Variants in GSDMC observed in about 807,000 individuals in gnomAD.
The protein encoded by GSDMC is gasdermin C, also known as gasdermin-C.
Under a neutral mutation model 58.0 loss-of-function variants are expected in GSDMC, and 59 were observed. The observed-to-expected ratio is 1.02, with a 90% confidence interval of 0.82 to 1.26. The LOEUF is 1.26. GSDMC is among the 50% of genes most tolerant of loss of function. The probability of loss-of-function intolerance (pLI) is 0.00; values close to 1 mark genes in which losing one functional copy is unlikely to be tolerated. For synonymous variants in GSDMC, 241 were observed against 220.2 expected, an observed-to-expected ratio of 1.09 and a Z score of -0.83; for missense variants, 659 against 598.5, an observed-to-expected ratio of 1.10 and a Z score of -1.06.
At chr8:129,750,410 T>C (rs2130331112) in intron 11 of GSDMC, 21 bp downstream of exon 11, 1 of 1,608,870 alleles carries the variant, frequency 6.2e-7, no homozygotes, top group Non-Finnish European at 8.5e-7. Flanking sequence ...ACCAGACCTA[T>C]GCAACTGTGG....
intron 1 of GSDMC, among the ~76,000 whole-genome samples, chr8:129,781,598 A>G (rs2034414679): frequency 6.6e-6 from 1 of 152,144 alleles, no homozygotes; most frequent in East Asian, 1.9e-4. Flanking sequence ...CAAAAAAATT[A>G]GCCAGGCGTG....
In GSDMC at chr8:129,749,457, C is replaced by G. The variant is rs764706903; in HGVS notation, c.1282G>C (p.Glu428Gln). Reference protein sequence around the residue: ...MEKRILLQQQELVRSILEPNF... With the variant: ...MEKRILLQQQQLVRSILEPNF... ...GGCCCCTGGGAAGTTCTCACCAGCT[C>G]CTGTTGCTGAAGCAGGATCCTCTTC... Residue 428 changes from glutamate (E) to glutamine (Q), a missense_variant, in exon 13 of 14, where the codon GAG (glutamate) becomes CAG (glutamine). Transcript: ENST00000276708. 17 of 1,612,024 alleles carry G rather than the reference C, an allele frequency of 1.1e-5. No homozygotes were observed. In the East Asian group the frequency reaches 3.6e-4, roughly 34 times the overall value.
chr8:129,747,871 C>T (rs2033003111), downstream of GSDMC, among the ~76,000 whole-genome samples: 1 of 152,032 alleles, frequency 6.6e-6, no homozygotes. Flanking sequence ...TAGCAAATGA[C>T]ACAGAGAGCA....
In GSDMC at chr8:129,777,387, CT is replaced by C; in HGVS notation, c.200del (p.Glu67GlyfsTer7). ...PVEFSLNDIL[E>X]PSSSVLETVV... The stretch of plus-strand genomic sequence containing the variant: ...CAATACCTAGGACTGAAGAACTTGG[CT>C]CCAGGATGTCATTGAGGGAGAATTC... On this transcript the variant is annotated frameshift_variant, in exon 2 of 14. Coordinates refer to ENST00000276708, the MANE Select transcript of GSDMC (RefSeq NM_031415.3). LOFTEE classifies it high-confidence loss of function. 6.2e-7 allele frequency: 1 copy of C among 1,611,688 alleles called. No homozygotes were observed. The highest frequency in any genetic ancestry group is 2.2e-5 in the East Asian group (1 of 44,866).
At chr8:129,727,859 G>C in the GSDMC span, among the ~76,000 whole-genome samples, 3 of 152,200 alleles carry the variant, frequency 2.0e-5, no homozygotes, top group African/African-American at 7.2e-5. Context: ...GTCTGGGGCA[G>C]AAGAAAAGCT....
At chr8:129,737,358 G>C in the GSDMC span, among the ~76,000 whole-genome samples, 1 of 152,140 alleles carries the variant, frequency 6.6e-6, no homozygotes, top group Non-Finnish European at 1.5e-5. Flanking sequence ...AAAGAACAAA[G>C]CTGGAAGCAT....
intron 2 of GSDMC, 113 bp downstream of exon 2, chr8:129,777,255 C>CT: frequency 3.0e-6 from 2 of 662,836 alleles, no homozygotes; most frequent in Non-Finnish European, 5.3e-6. Flanking sequence ...ATAGGCAAGG[C>CT]TAATCCTGAG....
the GSDMC span, chr8:129,723,158 C>T: frequency 6.6e-6 from 1 of 152,216 alleles, no homozygotes; most frequent in East Asian, 1.9e-4. Flanking sequence ...AAAATTCTAC[C>T]CGTCCCAGGG....
At chr8:129,728,420 C>T in the GSDMC span, among the ~76,000 whole-genome samples, 1 of 152,172 alleles carries the variant, frequency 6.6e-6, no homozygotes. Context: ...CATCACCATA[C>T]AGAGAATAGG....
Position 129,748,656 on chromosome 8 carries a change from T to C in GSDMC, c.1372A>G (p.Ser458Gly), listed in dbSNP as rs943573369. The change falls in exon 14 of 14, where the codon AGT becomes GGT. Residue 458 changes from serine (S) to glycine (G), a missense_variant. Physicochemically the swap from Ser to Gly is moderately conservative, Grantham distance 56 (BLOSUM62 0). Transcript: ENST00000276708. The stretch of plus-strand genomic sequence containing the variant: ...CCATAGGTGATGGCCAAACCCTCAC[T>C]CTGGAGTGGGGCGAGGAGCTCAGGT... ...LKPELLAPLQ[S>G]EGLAITYGLL... 4 of 1,610,302 alleles carry C rather than the reference T, an allele frequency of 2.5e-6. No individual in the cohort carries two copies. The African/African-American group carries it at 5.4e-5, about 22-fold the overall frequency.
the GSDMC span, among the ~76,000 whole-genome samples, chr8:129,709,466 TGATA>T: frequency 4.9e-4 from 71 of 145,336 alleles, no homozygotes; most frequent in African/African-American, 1.9e-3. Context: ...AGATGATAGA[TGATA>T]GATAGATAGA....
intron 3 of GSDMC, among the ~76,000 whole-genome samples, chr8:129,768,406 A>G (rs2033938819): frequency 6.6e-6 from 1 of 152,276 alleles, no homozygotes; most frequent in Admixed American, 6.5e-5. Context: ...TGGGAGATCT[A>G]TAAACAAACT....
chr8:129,754,055 CCCAAGG>C (rs1368311312), intron 6 of GSDMC, among the ~76,000 whole-genome samples: 1 of 152,246 alleles, frequency 6.6e-6, no homozygotes, highest in Non-Finnish European at 1.5e-5. Flanking sequence ...TCTGTACCCA[CCCAAGG>C]CCTGGGAAAA....
the GSDMC span, among the ~76,000 whole-genome samples, chr8:129,725,660 T>C: frequency 6.6e-6 from 1 of 152,248 alleles, no homozygotes; most frequent in Admixed American, 6.5e-5. Context: ...TTACTATTGC[T>C]GTTAGTTCCA....
intron 3 of GSDMC, among the ~76,000 whole-genome samples, chr8:129,775,474 T>C (rs2034194208): frequency 6.6e-6 from 1 of 152,190 alleles, no homozygotes; most frequent in Non-Finnish European, 1.5e-5. Context: ...ACATTGTGTA[T>C]CTGAAATTTG....
At chr8:129,738,987 C>G in the GSDMC span, among the ~76,000 whole-genome samples, 2 of 152,116 alleles carry the variant, frequency 1.3e-5, no homozygotes, top group Non-Finnish European at 2.9e-5. Context: ...TGAGCTAGAG[C>G]TTGAAGACCA....
chr8:129,781,290 A>T (rs188299320), intron 1 of GSDMC, among the ~76,000 whole-genome samples: 2 of 152,334 alleles, frequency 1.3e-5, no homozygotes, highest in Admixed American at 1.3e-4. Flanking sequence ...CAAGAAACAC[A>T]CTTCTCCTAT....
the GSDMC span, chr8:129,728,704 A>ATAG: frequency 1.8e-5 from 7 of 397,688 alleles, no homozygotes; most frequent in South Asian, 1.9e-4. Context: ...ACCAGCTCTT[A>ATAG]CCTATAAGCA....
the GSDMC span, among the ~76,000 whole-genome samples, chr8:129,735,686 T>C: frequency 6.6e-6 from 1 of 152,182 alleles, no homozygotes. Context: ...TAGCACTAAA[T>C]GCCCACAAGA....
Sources: allele counts gnomAD v4.1 joint callset (sites outside exome capture counted in the v4.1 genomes callset), GRCh38; gene constraint gnomAD v4.1.1; transcripts MANE v1.5; gene names NCBI Gene and HGNC (gene_info 2026-07-23, HGNC 2026-07-21).